FXN: variants seen among roughly 807,000 people sequenced by gnomAD.
FXN encodes frataxin, mitochondrial.
A neutral mutation model predicts 22.4 loss-of-function variants in FXN; 14 were observed. The observed-to-expected ratio is 0.62, with a 90% confidence interval of 0.41 to 0.98. The LOEUF (loss-of-function observed/expected upper bound fraction) is 0.98, where lower values mean the gene tolerates loss of function less well. Ranked by LOEUF, FXN falls within the 50% of genes least tolerant of loss-of-function variation. The pLI, the probability that FXN is intolerant of heterozygous loss-of-function variation, is 0.00. For missense variants in FXN, 267 were observed against 268.4 expected (o/e 0.99, Z 0.04); for synonymous variants, 120 against 114.1 (o/e 1.05, Z -0.33).
At chr9:69,043,915 G>T (rs941209287) in intron 1 of FXN, among the ~76,000 whole-genome samples, 3 of 151,970 alleles carry the variant, frequency 2.0e-5, no homozygotes, top group Non-Finnish European at 4.4e-5. Context: ...TTGAAATGAG[G>T]TCTCTCTATG....
At chr9:69,039,912 G>T (rs141310679) in intron 1 of FXN, among the ~76,000 whole-genome samples, 3 of 152,112 alleles carry the variant, frequency 2.0e-5, no homozygotes, top group African/African-American at 7.2e-5. Context: ...GGCACCGGGC[G>T]TCATATGGTA....
intron 2 of FXN, among the ~76,000 whole-genome samples, chr9:69,049,146 C>T (rs187483381): frequency 2.7e-4 from 41 of 152,302 alleles, no homozygotes; most frequent in East Asian, 9.7e-4. Flanking sequence ...GAAGACAGCC[C>T]GCTTCTGCCA....
At position 69,077,049 on chromosome 9, in the gene FXN, G is replaced by T. The variant is rs1030092126; in HGVS notation, c.*4287G>T. ...CTGCCTCAGCCTCCCGAGTAGCTGG[G>T]ATTACAGGTGCCTGCCACCACACCC... On this transcript the variant is annotated 3_prime_UTR_variant, in exon 5 of 5. Transcript: ENST00000484259. 1.2e-5 allele frequency: 6 copies of T among 481,560 alleles called. No individual in the cohort carries two copies. The highest frequency in any genetic ancestry group is 1.6e-5 in the Non-Finnish European group (6 of 369,366). 29.8% of individuals were successfully genotyped at this position (481,560 alleles called of 1,614,324 possible).
At chr9:69,058,862 A>G (rs1294506834) in intron 3 of FXN, among the ~76,000 whole-genome samples, 2 of 152,030 alleles carry the variant, frequency 1.3e-5, no homozygotes, top group Non-Finnish European at 2.9e-5. Flanking sequence ...AGGTCAGGAG[A>G]TCGAGACCAT....
At position 69,076,383 on chromosome 9, in the gene FXN, G is replaced by A; in HGVS notation, c.*3621G>A. 1.0e-6 allele frequency: 1 copy of A among 985,266 alleles called. No homozygotes were observed. The highest frequency in any genetic ancestry group is 1.2e-6 in the Non-Finnish European group (1 of 829,864). 61.0% of individuals were successfully genotyped at this position (985,266 alleles called of 1,614,324 possible). Reference sequence around the variant, plus strand: ...CATTGGAGGACTTCTCCCAAAATATGGATGACGTTCCCTACTCAACCTTGA... The same window carrying A: ...CATTGGAGGACTTCTCCCAAAATATAGATGACGTTCCCTACTCAACCTTGA... On this transcript the variant is annotated 3_prime_UTR_variant, in exon 5 of 5. Coordinates refer to ENST00000484259, the MANE Select transcript of FXN (RefSeq NM_000144.5).
intron 1 of FXN, among the ~76,000 whole-genome samples, chr9:69,045,845 TG>T (rs1047355912): frequency 6.8e-6 from 1 of 146,172 alleles, no homozygotes; most frequent in African/African-American, 2.5e-5. Flanking sequence ...CAAGGGCAAG[TG>T]GGGGGGTCCC....
rs59923017 is a variant in FXN at position 69,076,231 on chromosome 9, T to TTTTTA, written c.*3469_*3470insTTTTA. On this transcript the variant is annotated 3_prime_UTR_variant, in exon 5 of 5. Transcript: ENST00000484259. ...AGTGGCCTCATGTTTTTTTTTTTTT[T>TTTTTA]AATCTATAAAATGGAGATATCTAAC... 1.2e-3 allele frequency: 1,140 copies of TTTTTA among 954,750 alleles called. No individual in the cohort carries two copies. The highest frequency in any genetic ancestry group is 2.2e-3 in the African/African-American group (125 of 55,678). The allele number at this position is 954,750 out of a possible 1,614,324, so 59.1% of individuals were successfully genotyped here.
Position 69,078,052 on chromosome 9 carries a change from G to A in FXN, c.*5290G>A. 2 of 985,348 alleles carry A rather than the reference G, an allele frequency of 2.0e-6. No homozygotes were observed. The highest frequency in any genetic ancestry group is 2.4e-6 in the Non-Finnish European group (2 of 829,916). 61.0% of individuals were successfully genotyped at this position (985,348 alleles called of 1,614,324 possible). On this transcript the variant is annotated 3_prime_UTR_variant, in exon 5 of 5. Coordinates refer to ENST00000484259, the MANE Select transcript of FXN (RefSeq NM_000144.5). ...TACCGCACTCTATGATGCTAGCTGA[G>A]ATTTTTCCAAAAGAAAATGGCTTAA...
chr9:69,064,094 T>A (rs562921920), intron 3 of FXN, among the ~76,000 whole-genome samples: 1 of 152,280 alleles, frequency 6.6e-6, no homozygotes, highest in African/African-American at 2.4e-5. Context: ...TCTCTGCAAG[T>A]CATGCACAAG....
chr9:69,051,070 G>A (rs1451534563), intron 2 of FXN, among the ~76,000 whole-genome samples: 1 of 152,112 alleles, frequency 6.6e-6, no homozygotes, highest in Non-Finnish European at 1.5e-5. Flanking sequence ...ATGAGCCACC[G>A]CGCCAGGCCG....
chr9:69,062,836 A>T (rs1190738342), intron 3 of FXN, among the ~76,000 whole-genome samples: 4 of 151,842 alleles, frequency 2.6e-5, no homozygotes, highest in Non-Finnish European at 5.9e-5. Context: ...TGTTCTGTAC[A>T]CTTAACATGG....
chr9:69,071,202 AGGGGAC>A, intron 4 of FXN: 5 of 519,016 alleles, frequency 9.6e-6, no homozygotes, highest in South Asian at 7.0e-5. Flanking sequence ...TATAGGGCCA[AGGGGAC>A]GGTCCTTGGG....
chr9:69,068,894 CA>C lies in FXN; in HGVS notation c.483-3717del, dbSNP rs1163132471. On this transcript the variant is annotated intron_variant, in intron 4 of 4. Coordinates refer to ENST00000484259, the MANE Select transcript of FXN (RefSeq NM_000144.5). ...TTAGTTTCTGAAAAAGCATGAAAAGCAGGCCTCCTGAACTTCCCCGAGTGAC... is the reference window on the plus strand; with the variant it reads ...TTAGTTTCTGAAAAAGCATGAAAAGCGGCCTCCTGAACTTCCCCGAGTGAC... 4.1e-4 allele frequency among the ~76,000 whole-genome samples: 63 copies of C among 152,348 alleles called. 1 individual carries two copies. The highest frequency in any genetic ancestry group is 2.1e-3 in the South Asian group (10 of 4,830).
At chr9:69,053,072 A>G in intron 2 of FXN, 68 bp from the exon 3 acceptor site, 2 of 1,488,582 alleles carry the variant, frequency 1.3e-6, no homozygotes, top group Non-Finnish European at 1.8e-6. Flanking sequence ...TAACAAATGT[A>G]TAAATTTGAT....
intron 3 of FXN, among the ~76,000 whole-genome samples, chr9:69,054,543 C>T (rs917262157): frequency 1.3e-5 from 2 of 151,856 alleles, no homozygotes; most frequent in Admixed American, 1.3e-4. Flanking sequence ...ACAGAGTCTC[C>T]CTCTGTTATT....
intron 3 of FXN, among the ~76,000 whole-genome samples, chr9:69,055,486 T>A (rs904987350): frequency 8.0e-5 from 12 of 150,550 alleles, no homozygotes; most frequent in African/African-American, 2.5e-4. Context: ...TTGGTTTACT[T>A]CTTCTTCTTC....
chr9:69,058,056 C>G (rs1403527017), intron 3 of FXN, among the ~76,000 whole-genome samples: 1 of 152,152 alleles, frequency 6.6e-6, no homozygotes, highest in African/African-American at 2.4e-5. Flanking sequence ...ATTTATACAC[C>G]TTTTACCAAC....
chr9:69,077,566 G>A lies in FXN; in HGVS notation c.*4804G>A, dbSNP rs1249442822. 1.0e-6 allele frequency: 1 copy of A among 985,294 alleles called. No homozygotes were observed. Among genetic ancestry groups the A allele is most frequent in the Non-Finnish European group, 1.2e-6 (1 of 829,950 alleles). The allele number at this position is 985,294 out of a possible 1,614,324, so 61.0% of individuals were successfully genotyped here. On this transcript the variant is annotated 3_prime_UTR_variant, in exon 5 of 5. Coordinates refer to ENST00000484259, the MANE Select transcript of FXN (RefSeq NM_000144.5). ...CAGGTAGAAGTACTAGTGCAAGAAG[G>A]GCCTCTGCTGTCCACTTGTGTTTCT...
intron 4 of FXN, among the ~76,000 whole-genome samples, chr9:69,067,940 A>G (rs924027274): frequency 8.5e-5 from 13 of 152,198 alleles, no homozygotes; most frequent in Non-Finnish European, 2.9e-5. Flanking sequence ...TCAACAAGAA[A>G]ACAGGGCCCA....
Sources: gnomAD v4.1 joint callset for allele counts (sites outside exome capture counted in the v4.1 genomes callset) on GRCh38, gnomAD v4.1.1 for gene constraint, MANE v1.5 for transcripts, NCBI Gene and HGNC (gene_info 2026-07-23, HGNC 2026-07-21) for gene names.